ANKS1B: variants seen among roughly 807,000 people sequenced by gnomAD.
The protein encoded by ANKS1B is ankyrin repeat and sterile alpha motif domain containing 1B, also known as ankyrin repeat and sterile alpha motif domain-containing protein 1B.
ANKS1B carries 36 observed loss-of-function variants against 148.3 expected under a neutral mutation model. That is an observed-to-expected ratio of 0.24 (90% CI 0.19 to 0.32). ANKS1B has a LOEUF of 0.32. Among genes scored for constraint, ANKS1B ranks in the 10% least tolerant of loss-of-function variants. ANKS1B has a pLI of 1.00. For missense variants in ANKS1B, 1,157 were observed against 1,542.6 expected, an observed-to-expected ratio of 0.75 and a Z score of 4.19; for synonymous variants, 542 against 560.8, an observed-to-expected ratio of 0.97 and a Z score of 0.47.
chr12:98,882,538 T>G (rs1414384094), intron 17 of ANKS1B, among the ~76,000 whole-genome samples: 8 of 152,146 alleles, frequency 5.3e-5, no homozygotes, highest in Admixed American at 5.2e-4. Context: ...AACTGCTTTT[T>G]AAAAAGACAA....
intron 10 of ANKS1B, among the ~76,000 whole-genome samples, chr12:99,498,857 A>T (rs570207060): frequency 3.9e-5 from 6 of 152,246 alleles, no homozygotes; most frequent in Admixed American, 1.3e-4. Context: ...TACATCAGTA[A>T]CTCCAAGAGA....
intron 14 of ANKS1B, among the ~76,000 whole-genome samples, chr12:99,179,192 GC>G (rs371397097): frequency 2.0e-5 from 3 of 152,180 alleles, no homozygotes; most frequent in African/African-American, 7.2e-5. Context: ...ACTTTGGGAG[GC>G]TGAGGTGGGC....
intron 1 of ANKS1B, among the ~76,000 whole-genome samples, chr12:99,911,377 T>A (rs145914322): frequency 2.3e-3 from 348 of 152,092 alleles, no homozygotes; most frequent in African/African-American, 8.1e-3. Flanking sequence ...TCTACAAACA[T>A]GGAAATTGGA....
intron 17 of ANKS1B, among the ~76,000 whole-genome samples, chr12:98,833,115 G>A (rs975092692): frequency 7.2e-5 from 11 of 152,138 alleles, no homozygotes; most frequent in African/African-American, 2.7e-4. Context: ...AGGGAACTGA[G>A]AATTGCAGCG....
intron 2 of ANKS1B, among the ~76,000 whole-genome samples, chr12:99,824,612 T>C (rs1641914463): frequency 6.6e-6 from 1 of 152,128 alleles, no homozygotes; most frequent in Admixed American, 6.5e-5. Context: ...GGGTCATTTT[T>C]TTTCTGTAGG....
intron 1 of ANKS1B, among the ~76,000 whole-genome samples, chr12:99,873,504 A>AC (rs1405117572): frequency 6.6e-6 from 1 of 152,086 alleles, no homozygotes; most frequent in African/African-American, 2.4e-5. Flanking sequence ...CTCATTCCCT[A>AC]CCCTCAGCTC....
intron 4 of ANKS1B, among the ~76,000 whole-genome samples, chr12:99,790,527 C>G (rs2065516112): frequency 6.6e-6 from 1 of 151,634 alleles, no homozygotes; most frequent in African/African-American, 2.4e-5. Context: ...AAACAATGAA[C>G]CAAAAAATAA....
intron 11 of ANKS1B, among the ~76,000 whole-genome samples, chr12:99,441,090 TA>T (rs2095542462): frequency 6.6e-6 from 1 of 151,930 alleles, no homozygotes; most frequent in African/African-American, 2.4e-5. Flanking sequence ...TTTTAATAAA[TA>T]AATTTTTAGA....
intron 14 of ANKS1B, among the ~76,000 whole-genome samples, chr12:99,189,613 T>A (rs1247867380): frequency 6.6e-6 from 1 of 152,178 alleles, no homozygotes; most frequent in East Asian, 1.9e-4. Flanking sequence ...TCTTAATAGA[T>A]GCAGAAAAGG....
rs892519012 is a variant in ANKS1B, at chr12:99,247,305, C to T, written c.1757-441G>A. 2.0e-5 allele frequency among the ~76,000 whole-genome samples: 3 copies of T among 152,066 alleles called. No individual in the cohort carries two copies. The East Asian group carries it at 5.8e-4, about 29-fold the overall frequency. On this transcript the variant is annotated intron_variant, in intron 12 of 26. Coordinates refer to ENST00000683438, the MANE Select transcript of ANKS1B (RefSeq NM_001352186.2). ...TCATATATAATGACAACCCTCTGCC[C>T]TCCTCCCAGCAAATAAATTCAAAAA...
chr12:99,768,978 G>A (rs561720155), intron 8 of ANKS1B, among the ~76,000 whole-genome samples: 1 of 151,202 alleles, frequency 6.6e-6, no homozygotes, highest in Admixed American at 6.6e-5. Flanking sequence ...TTCATCTTGG[G>A]CTTCTCGGAC....
chr12:99,715,257 G>A (rs1166020830), intron 8 of ANKS1B, among the ~76,000 whole-genome samples: 1 of 152,108 alleles, frequency 6.6e-6, no homozygotes, highest in Non-Finnish European at 1.5e-5. Flanking sequence ...GCCAGTTCCT[G>A]CCTTAACTGA....
intron 10 of ANKS1B, among the ~76,000 whole-genome samples, chr12:99,500,503 G>A (rs1288865898): frequency 1.3e-5 from 2 of 152,184 alleles, no homozygotes; most frequent in Non-Finnish European, 2.9e-5. Flanking sequence ...GAGATCATAA[G>A]ATGTGACACA....
chr12:99,469,307 G>T (rs2096196271), intron 10 of ANKS1B, among the ~76,000 whole-genome samples: 1 of 116,444 alleles, frequency 8.6e-6, no homozygotes, highest in Non-Finnish European at 1.7e-5. Flanking sequence ...GGGGGAGGGG[G>T]GAGGGATAGC....
At chr12:99,217,124 T>C (rs1270872026) in intron 14 of ANKS1B, among the ~76,000 whole-genome samples, 2 of 152,198 alleles carry the variant, frequency 1.3e-5, no homozygotes, top group Non-Finnish European at 2.9e-5. Context: ...ATGTGAGAGA[T>C]AAGCAAATTT....
At chr12:98,861,998 A>G (rs1005779040) in intron 17 of ANKS1B, among the ~76,000 whole-genome samples, 2 of 152,120 alleles carry the variant, frequency 1.3e-5, no homozygotes, top group African/African-American at 2.4e-5. Context: ...TTAAAATGCT[A>G]TTAGTATTTC....
At chr12:99,228,318 C>T (rs2086274026) in intron 14 of ANKS1B, among the ~76,000 whole-genome samples, 1 of 151,986 alleles carries the variant, frequency 6.6e-6, no homozygotes, top group Admixed American at 6.6e-5. Flanking sequence ...AAGTAAGGTA[C>T]AGCTATGATT....
intron 9 of ANKS1B, among the ~76,000 whole-genome samples, chr12:99,594,196 T>C (rs1343182747): frequency 6.6e-6 from 1 of 152,098 alleles, no homozygotes; most frequent in Non-Finnish European, 1.5e-5. Flanking sequence ...CTGTTATTAC[T>C]ACAGATAAAA....
At chr12:99,188,181 C>T (rs938423549) in intron 14 of ANKS1B, among the ~76,000 whole-genome samples, 2 of 152,040 alleles carry the variant, frequency 1.3e-5, no homozygotes, top group East Asian at 1.9e-4. Flanking sequence ...AGAGGAGCAC[C>T]CAGATTCATA....
Sources: allele counts gnomAD v4.1 joint callset (sites outside exome capture counted in the v4.1 genomes callset), GRCh38; gene constraint gnomAD v4.1.1; transcripts MANE v1.5; gene names NCBI Gene and HGNC (gene_info 2026-07-23, HGNC 2026-07-21).